PDE8B: variants seen among roughly 807,000 people sequenced by gnomAD.
PDE8B encodes the protein phosphodiesterase 8B.
PDE8B carries 26 observed loss-of-function variants against 101.3 expected under a neutral mutation model. That is an observed-to-expected ratio of 0.26 (90% confidence interval 0.19 to 0.36). The LOEUF (loss-of-function observed/expected upper bound fraction) is 0.36, where lower values mean the gene tolerates loss of function less well. Ranked by LOEUF, PDE8B falls within the 10% of genes least tolerant of loss-of-function variation. The pLI is 1.00. For synonymous variants in PDE8B, 424 were observed against 429.3 expected (o/e 0.99, Z 0.15); for missense variants, 810 against 1,163.1 (o/e 0.70, Z 4.42).
chr5:77,392,128 T>C (rs1295110433), intron 10 of PDE8B, among the ~76,000 whole-genome samples: 1 of 152,214 alleles, frequency 6.6e-6, no homozygotes, highest in Non-Finnish European at 1.5e-5. Flanking sequence ...TTTCCATAAT[T>C]ATGTGGAATG....
intron 1 of PDE8B, among the ~76,000 whole-genome samples, chr5:77,281,161 T>C (rs1450822213): frequency 6.6e-6 from 1 of 152,168 alleles, no homozygotes; most frequent in Non-Finnish European, 1.5e-5. Context: ...GGCCTCTACC[T>C]CAGCTCCAGT....
At chr5:77,426,288 T>C in intron 21 of PDE8B, 157 bp from the exon 22 acceptor site, 1 of 671,748 alleles carries the variant, frequency 1.5e-6, no homozygotes. Flanking sequence ...CCTGTTTGCA[T>C]TTCAGAAACT....
chr5:77,145,470 C>T, the PDE8B span: 1 of 152,170 alleles, frequency 6.6e-6, no homozygotes, highest in Non-Finnish European at 1.5e-5. Flanking sequence ...AGTGATTGTA[C>T]AAGCTTTTGT....
intron 6 of PDE8B, among the ~76,000 whole-genome samples, chr5:77,339,921 G>C (rs1003542869): frequency 3.3e-5 from 5 of 152,042 alleles, no homozygotes; most frequent in Admixed American, 2.6e-4. Flanking sequence ...ATAACTTAAA[G>C]ATATAAGAAC....
chr5:77,406,596 G>T (rs373240711), intron 12 of PDE8B, among the ~76,000 whole-genome samples: 1 of 152,116 alleles, frequency 6.6e-6, no homozygotes, highest in South Asian at 2.1e-4. Flanking sequence ...CACTAGCAGC[G>T]GGGGGACCCC....
At chr5:77,129,948 C>A in the PDE8B span, among the ~76,000 whole-genome samples, 5 of 152,276 alleles carry the variant, frequency 3.3e-5, no homozygotes, top group African/African-American at 7.2e-5. Context: ...TAATGAAACT[C>A]CTAGATGGCC....
the PDE8B span, among the ~76,000 whole-genome samples, chr5:77,096,910 C>T: frequency 2.0e-5 from 3 of 152,184 alleles, no homozygotes; most frequent in Admixed American, 2.0e-4. Flanking sequence ...AGGTCACACT[C>T]ACAAGTACCC....
chr5:77,425,549 T>A (rs1277099649), intron 20 of PDE8B, among the ~76,000 whole-genome samples: 1 of 152,012 alleles, frequency 6.6e-6, no homozygotes, highest in East Asian at 1.9e-4. Context: ...TGAGACACTG[T>A]CTCAAAAACA....
chr5:77,168,977 A>G, the PDE8B span, among the ~76,000 whole-genome samples: 84 of 152,376 alleles, frequency 5.5e-4, no homozygotes, highest in East Asian at 0.011. Context: ...CAGAGGTCTG[A>G]TAAGAGAGGC....
At position 77,353,403 on chromosome 5, in the gene PDE8B, G is replaced by A. The variant is rs1280531360; in HGVS notation, c.1164G>A (p.Lys388=). The A allele has an allele frequency of 6.3e-7, 1 of 1,590,712 alleles. No homozygotes were observed. The change falls in exon 10 of 22, where the codon AAG becomes AAA. Residue 388 remains lysine (K), a synonymous_variant. Coordinates refer to ENST00000264917, the MANE Select transcript of PDE8B (RefSeq NM_003719.5). ...KKLCCTTDNN[K]QIHKIHRDSG... ...TGTGTTGTACCACTGACAATAATAA[G>A]CAGGTATGGTATTAGCTCACTTCGT...
At chr5:77,379,279 CTGCT>C (rs1454501060) in intron 10 of PDE8B, among the ~76,000 whole-genome samples, 11 of 152,298 alleles carry the variant, frequency 7.2e-5, no homozygotes, top group Non-Finnish European at 1.3e-4. Flanking sequence ...AGATAAATCT[CTGCT>C]TGTCTGGCAT....
the PDE8B span, among the ~76,000 whole-genome samples, chr5:77,108,551 C>CG: frequency 6.6e-6 from 1 of 152,150 alleles, no homozygotes; most frequent in Admixed American, 6.5e-5. Context: ...GGCATGGTGG[C>CG]GCACGCCTCT....
the PDE8B span, among the ~76,000 whole-genome samples, chr5:77,175,047 G>GGGTT: frequency 3.3e-5 from 5 of 152,150 alleles, no homozygotes; most frequent in East Asian, 5.8e-4. Context: ...AAAAACCTAA[G>GGGTT]GGTTATCTTG....
intron 1 of PDE8B, among the ~76,000 whole-genome samples, chr5:77,281,800 C>T (rs568673767): frequency 1.3e-4 from 20 of 152,252 alleles, no homozygotes; most frequent in African/African-American, 3.4e-4. Context: ...CAGCCTACCA[C>T]GACAATGCTT....
the PDE8B span, among the ~76,000 whole-genome samples, chr5:77,188,304 A>C: frequency 7.9e-5 from 12 of 152,350 alleles, no homozygotes; most frequent in Admixed American, 6.5e-4. Flanking sequence ...TACTATGAAC[A>C]TCTTTGTCAA....
chr5:77,259,260 G>C (rs1482840004), intron 1 of PDE8B, among the ~76,000 whole-genome samples: 1 of 152,060 alleles, frequency 6.6e-6, no homozygotes, highest in Non-Finnish European at 1.5e-5. Flanking sequence ...CTTCCAGGTA[G>C]TTCAAGTCTG....
chr5:77,118,362 C>T, the PDE8B span: 3 of 398,348 alleles, frequency 7.5e-6, no homozygotes, highest in African/African-American at 2.1e-5. Flanking sequence ...CAGGGCAGGC[C>T]GAAGGAGAAA....
chr5:77,212,388 G>T (rs1376287995), intron 1 of PDE8B, among the ~76,000 whole-genome samples: 1 of 152,182 alleles, frequency 6.6e-6, no homozygotes, highest in Non-Finnish European at 1.5e-5. Flanking sequence ...GTGGAGGAGT[G>T]AGGAGAAGGA....
At chr5:77,405,297 A>G (rs895391421) in intron 12 of PDE8B, among the ~76,000 whole-genome samples, 1 of 152,378 alleles carries the variant, frequency 6.6e-6, no homozygotes, top group East Asian at 1.9e-4. Context: ...AGCCAGGCCT[A>G]AGTAAACAAC....
Sources: allele counts gnomAD v4.1 joint callset (sites outside exome capture counted in the v4.1 genomes callset), GRCh38; gene constraint gnomAD v4.1.1; transcripts MANE v1.5; gene names NCBI Gene and HGNC (gene_info 2026-07-23, HGNC 2026-07-21).